Variants in MMP28 observed in about 807,000 individuals in gnomAD.
MMP28 encodes the protein matrix metalloproteinase-28.
A neutral mutation model predicts 60.5 loss-of-function variants in MMP28; 55 were observed. The observed-to-expected ratio is 0.91, with a 90% CI of 0.73 to 1.14. The LOEUF (loss-of-function observed/expected upper bound fraction) is 1.14. Ranked by LOEUF, MMP28 falls within the 50% of genes most tolerant of loss-of-function variation. The probability of loss-of-function intolerance (pLI) is 0.00; values close to 1 mark genes in which losing one functional copy is unlikely to be tolerated. For synonymous variants in MMP28, 318 were observed against 312.5 expected (o/e 1.02, Z -0.18); for missense variants, 686 against 738.3 (o/e 0.93, Z 0.82).
rs964011123 is a variant in MMP28, at chr17:35,766,774, A to C, written c.1289T>G (p.Leu430Arg). ...GTAGCGGGCACCCTTGAAGAGGATG[A>C]GGCGGCGCAGAGGAGGGAAGAAGAG... is the stretch of plus-strand genomic sequence containing the variant. ...AALFFPPLRR[L>R]ILFKGARYYV... Residue 430 changes from leucine to arginine, a missense_variant, in exon 8 of 8, where the codon CTC (leucine) becomes CGC (arginine). Leu to Arg is a moderately radical substitution (Grantham distance 102, BLOSUM62 -2). Transcript: ENST00000605424. This position sits in a 1 kb window ranked among gnomAD's most constrained non-coding sequence, Gnocchi z 4.3. 1.1e-5 allele frequency: 18 copies of C among 1,576,094 alleles called. No individual in the cohort carries two copies. The East Asian group carries it at 1.4e-4, about 12-fold the overall frequency.
At chr17:35,771,266 A>G (rs999569178) in intron 4 of MMP28, among the ~76,000 whole-genome samples, 1 of 151,936 alleles carries the variant, frequency 6.6e-6, no homozygotes, top group Non-Finnish European at 1.5e-5. Context: ...CCCTGTCTCT[A>G]CTAAAAATGC....
intron 6 of MMP28, 106 bp from the exon 7 acceptor site, chr17:35,768,025 G>A (rs2085999352): frequency 1.4e-6 from 2 of 1,379,476 alleles, no homozygotes; most frequent in South Asian, 2.8e-5. Flanking sequence ...CAAGCATAGG[G>A]TATGGTGTGT....
At chr17:35,761,789 C>T (rs994253236), downstream of MMP28, among the ~76,000 whole-genome samples, 2 of 152,158 alleles carry the variant, frequency 1.3e-5, no homozygotes, top group African/African-American at 4.8e-5. Flanking sequence ...GATTCCATAG[C>T]GCAGCACTCA....
At position 35,770,262 on chromosome 17, in the gene MMP28, C is replaced by G; in HGVS notation, c.655G>C (p.Asp219His). 6.3e-7 allele frequency: 1 copy of G among 1,578,944 alleles called. No individual in the cohort carries two copies. The highest frequency in any genetic ancestry group is 2.3e-5 in the East Asian group (1 of 43,678). The change falls in exon 5 of 8, where the codon GAC becomes CAC. Residue 219 changes from aspartate to histidine, a missense_variant. Transcript: ENST00000605424. ...CTCAGGGACCAGCGCTCATCTTGGT[C>G]GAAGTGCGCTTCGCCGCGGCGGGGC... ...FLPRRGEAHF[D>H]QDERWSLSRR... is the part of the protein sequence containing the mutation.
intron 2 of MMP28, among the ~76,000 whole-genome samples, chr17:35,759,943 T>C (rs782260053): frequency 1.3e-5 from 2 of 152,286 alleles, no homozygotes; most frequent in African/African-American, 4.8e-5. Context: ...CTAGTTAACA[T>C]GGTAGCTTGC....
intron 4 of MMP28, among the ~76,000 whole-genome samples, chr17:35,772,516 G>A (rs2086187247): frequency 6.6e-6 from 1 of 152,158 alleles, no homozygotes; most frequent in Non-Finnish European, 1.5e-5. Flanking sequence ...GGGGGCTCAA[G>A]TTCCCAGGCC....
chr17:35,791,444 AG>A (rs1275847243), intron 1 of MMP28, among the ~76,000 whole-genome samples: 1 of 152,128 alleles, frequency 6.6e-6, no homozygotes, highest in Non-Finnish European at 1.5e-5. Context: ...AGGCTGAAGC[AG>A]GAGGATCACT....
Position 35,792,503 on chromosome 17 carries a change from G to A in MMP28, c.111+2764C>T, listed in dbSNP as rs1203176654. Among the ~76,000 whole-genome samples, 3 of 152,194 alleles carry A rather than the reference G, an allele frequency of 2.0e-5. No homozygotes were observed. The East Asian group carries it at 5.8e-4, about 29-fold the overall frequency. On this transcript the variant is annotated intron_variant, in intron 1 of 7. Coordinates refer to ENST00000605424, the MANE Select transcript of MMP28 (RefSeq NM_024302.5). Reference sequence around the variant, plus strand: ...AGACACTGTAGAATGGAGACAAGCTGCACTGATGTGCCCTATTTGAAATTT... The same window carrying A: ...AGACACTGTAGAATGGAGACAAGCTACACTGATGTGCCCTATTTGAAATTT...
chr17:35,793,782 T>C (rs897657870), intron 1 of MMP28, among the ~76,000 whole-genome samples: 7 of 152,144 alleles, frequency 4.6e-5, no homozygotes, highest in Non-Finnish European at 7.4e-5. Flanking sequence ...GGGCAGAGCA[T>C]TGGGCTCAGT....
At chr17:35,761,571 A>T (rs985657019), downstream of MMP28, among the ~76,000 whole-genome samples, 1 of 151,856 alleles carries the variant, frequency 6.6e-6, no homozygotes, top group Non-Finnish European at 1.5e-5. Flanking sequence ...GAGCCACCAC[A>T]TCTGGCTCCA....
downstream of MMP28, chr17:35,764,504 C>G: frequency 6.3e-7 from 1 of 1,589,640 alleles, no homozygotes. Flanking sequence ...GTGCTTGCTG[C>G]GAGCTCCTCT....
downstream of MMP28, chr17:35,764,755 C>T: frequency 1.0e-6 from 1 of 986,396 alleles, no homozygotes; most frequent in Non-Finnish European, 1.4e-6. Context: ...CCCAGAGCGC[C>T]CCCATCCGTC....
intron 1 of MMP28, among the ~76,000 whole-genome samples, chr17:35,789,129 A>G (rs1274105082): frequency 6.6e-6 from 1 of 152,196 alleles, no homozygotes; most frequent in Non-Finnish European, 1.5e-5. Context: ...TTGTGTGCAC[A>G]GAGGGGACAC....
At chr17:35,764,067 A>T (rs1357421602), downstream of MMP28, 3 of 1,549,998 alleles carry the variant, frequency 1.9e-6, no homozygotes, top group African/African-American at 2.7e-5. Context: ...GACGCGGAGC[A>T]AGAGGAAGGG....
At chr17:35,770,364 G>A (rs2086094953) in intron 4 of MMP28, 52 bp from the exon 5 acceptor site, 2 of 1,449,118 alleles carry the variant, frequency 1.4e-6, no homozygotes, top group East Asian at 5.0e-5. Context: ...ACGCCCCCAG[G>A]TACTCGCGGC....
At chr17:35,778,860 G>A in intron 3 of MMP28, 28 bp downstream of exon 3, 1 of 1,614,016 alleles carries the variant, frequency 6.2e-7, no homozygotes, top group Non-Finnish European at 8.5e-7. Flanking sequence ...GGGAAATCTT[G>A]GCCTAGCCGG....
rs1555608568 is a variant in MMP28, at chr17:35,779,249, G to A, written c.186C>T (p.Ala62=). The A allele has an allele frequency of 4.3e-6, 7 of 1,611,906 alleles. No individual in the cohort carries two copies. Among genetic ancestry groups the A allele is most frequent in the Non-Finnish European group, 5.9e-6 (7 of 1,179,146 alleles). Residue 62 remains alanine, a synonymous_variant, in exon 2 of 8, where the codon GCC becomes GCT. Transcript: ENST00000605424. The part of the protein sequence containing the change: ...KAPTSTRFSD[A]IRAFQWVSQL... ...TCCACATCCCTCCACCCTACCTGAT[G>A]GCATCGCTGAATCGAGTGGAGGTGG... is the stretch of plus-strand genomic sequence containing the variant.
chr17:35,775,886 T>C (rs1555607521), intron 3 of MMP28, among the ~76,000 whole-genome samples: 1 of 152,186 alleles, frequency 6.6e-6, no homozygotes. Flanking sequence ...TCTTTTTTCT[T>C]TTTTTGAGAC....
At chr17:35,778,532 C>T (rs2086399527) in intron 3 of MMP28, 1 of 361,050 alleles carries the variant, frequency 2.8e-6, no homozygotes, top group East Asian at 6.0e-5. Flanking sequence ...TGTTTAATAA[C>T]TTATGAAAAA....
Sources: allele counts gnomAD v4.1 joint callset (sites outside exome capture counted in the v4.1 genomes callset), GRCh38; gene constraint gnomAD v4.1.1; non-coding constraint Gnocchi (gnomAD v3.1); transcripts MANE v1.5; gene names NCBI Gene and HGNC (gene_info 2026-07-23, HGNC 2026-07-21).